Variants in PCDHA2 observed in about 807,000 individuals in gnomAD.
PCDHA2 encodes the protein protocadherin alpha-2.
Under a neutral mutation model 66.0 loss-of-function variants are expected in PCDHA2, and 58 were observed. The ratio of observed to expected loss-of-function variants is 0.88; its 90% confidence interval spans 0.71 to 1.09. The LOEUF (loss-of-function observed/expected upper bound fraction) is 1.09, where lower values mean the gene tolerates loss of function less well. Ranked by LOEUF, PCDHA2 falls within the 50% of genes least tolerant of loss-of-function variation. The pLI is 0.00. For missense variants in PCDHA2, 1,267 were observed against 1,242.3 expected, an observed-to-expected ratio of 1.02 and a Z score of -0.30; for synonymous variants, 634 against 554.0, an observed-to-expected ratio of 1.14 and a Z score of -2.03.
chr5:140,941,225 T>TTC (rs2092914120), intron 1 of PCDHA2, among the ~76,000 whole-genome samples: 17 of 138,026 alleles, frequency 1.2e-4, no homozygotes, highest in African/African-American at 4.7e-4. Context: ...CTTTCTTTCT[T>TTC]TCTTTCTTTC....
intron 1 of PCDHA2, chr5:140,806,900 G>T (rs1268254751): frequency 1.1e-5 from 5 of 453,804 alleles, no homozygotes; most frequent in South Asian, 3.3e-5. Context: ...CCTATTCTCC[G>T]AAACGACTGA....
intron 1 of PCDHA2, chr5:140,968,020 C>T: frequency 1.2e-6 from 2 of 1,614,202 alleles, no homozygotes; most frequent in Non-Finnish European, 1.7e-6. Flanking sequence ...TTGGAAACTC[C>T]TATACACTGG....
chr5:140,897,457 C>T (rs1173344812), intron 1 of PCDHA2, among the ~76,000 whole-genome samples: 11 of 151,186 alleles, frequency 7.3e-5, no homozygotes, highest in East Asian at 1.9e-4. Context: ...TTTGTCCTTG[C>T]GATAGTTTAC....
intron 1 of PCDHA2, chr5:140,884,214 T>G: frequency 6.2e-7 from 1 of 1,613,446 alleles, no homozygotes; most frequent in African/African-American, 1.3e-5. Context: ...CGCCTTCTGG[T>G]GCTGGTGAAG....
Position 141,004,377 on chromosome 5 carries a change from C to T in PCDHA2, c.2537-5250C>T, listed in dbSNP as rs567018582. Among the ~76,000 whole-genome samples the T allele has an allele frequency of 3.9e-5, 6 of 152,294 alleles. No homozygotes were observed. The South Asian group carries it at 6.2e-4, about 16-fold the overall frequency. ...AGAGACCACACCTTGTTCTGCTCTG[C>T]GGAAGCTGGACATGTGGAGGAGGCA... On this transcript the variant is annotated intron_variant, in intron 3 of 3. Coordinates refer to ENST00000526136, the MANE Select transcript of PCDHA2 (RefSeq NM_018905.3).
chr5:140,861,631 C>G (rs960525062), intron 1 of PCDHA2: 2 of 314,942 alleles, frequency 6.4e-6, no homozygotes, highest in Admixed American at 7.0e-5. Flanking sequence ...GTGTTCTCAG[C>G]AACACAAAAG....
chr5:141,012,182 A>T lies in PCDHA2; in HGVS notation c.*2245A>T, dbSNP rs1334407628. On this transcript the variant is annotated 3_prime_UTR_variant, in exon 4 of 4. Coordinates refer to ENST00000526136, the MANE Select transcript of PCDHA2 (RefSeq NM_018905.3). ...CTAATTTATTAATGATGATAATTATAATGTATCTGTACAGCACTTTTTACA... is the reference window on the plus strand; with the variant it reads ...CTAATTTATTAATGATGATAATTATTATGTATCTGTACAGCACTTTTTACA... 6.5e-6 allele frequency: 1 copy of T among 153,776 alleles called. No homozygotes were observed. The highest frequency in any genetic ancestry group is 1.5e-5 in the Non-Finnish European group (1 of 68,050). 9.5% of individuals were successfully genotyped at this position (153,776 alleles called of 1,614,324 possible).
At chr5:140,802,258 C>T (rs782045341) in intron 1 of PCDHA2, 1 of 1,614,238 alleles carries the variant, frequency 6.2e-7, no homozygotes, top group Non-Finnish European at 8.5e-7. Context: ...GTTATTCAAT[C>T]ACTATCTTTA....
chr5:140,974,396 G>C (rs1413050341), intron 1 of PCDHA2, among the ~76,000 whole-genome samples: 1 of 152,178 alleles, frequency 6.6e-6, no homozygotes, highest in Admixed American at 6.5e-5. Context: ...CATTAGGTAT[G>C]TTCTAAAGTT....
In PCDHA2 at chr5:140,876,439, A is replaced by G; in HGVS notation, c.2388+79087A>G. 4 of 1,613,988 alleles carry G rather than the reference A, an allele frequency of 2.5e-6. No individual in the cohort carries two copies. The East Asian group carries it at 8.9e-5, about 36-fold the overall frequency. ...TGCCTATGAAATTCAGGTTAACGCC[A>G]TTGATAAAGGGATTCCTTCCATGGC... is the stretch of plus-strand genomic sequence containing the variant. On this transcript the variant is annotated intron_variant, in intron 1 of 3. Transcript: ENST00000526136.
chr5:140,851,098 T>G lies in PCDHA2; in HGVS notation c.2388+53746T>G, dbSNP rs922217993. ...TAAACTGTATATTAAATAGATATTT[T>G]TTGGGTGCTGAATCAATTTTATTTA... On this transcript the variant is annotated intron_variant, in intron 1 of 3. Transcript: ENST00000526136. The G allele has an allele frequency of 1.5e-6, 2 of 1,293,414 alleles. 1 individual carries two copies. The highest frequency in any genetic ancestry group is 3.1e-5 in the African/African-American group (2 of 65,490). 80.1% of individuals were successfully genotyped at this position (1,293,414 alleles called of 1,614,324 possible).
At chr5:140,969,948 G>A (rs1206322511) in intron 1 of PCDHA2, among the ~76,000 whole-genome samples, 3 of 152,198 alleles carry the variant, frequency 2.0e-5, no homozygotes, top group African/African-American at 7.2e-5. Context: ...TGAAGCTAAA[G>A]TTTGCTTTGG....
chr5:140,842,313 C>G, intron 1 of PCDHA2: 2 of 1,607,028 alleles, frequency 1.2e-6, no homozygotes, highest in Non-Finnish European at 1.7e-6. Context: ...CCTCCCATGG[C>G]GGGTCATTGC....
intron 1 of PCDHA2, chr5:140,877,542 A>G (rs782391639): frequency 1.9e-6 from 3 of 1,613,752 alleles, no homozygotes; most frequent in Non-Finnish European, 2.5e-6. Flanking sequence ...TGGATCCCGA[A>G]GCGGCTCTGG....
chr5:140,810,523 T>G (rs782023770), intron 1 of PCDHA2: 1 of 152,260 alleles, frequency 6.6e-6, no homozygotes, highest in Non-Finnish European at 1.5e-5. Context: ...GCCATTTTAC[T>G]GGGTGACTTT....
At chr5:140,837,441 C>T (rs1199592642) in intron 1 of PCDHA2, among the ~76,000 whole-genome samples, 4 of 151,714 alleles carry the variant, frequency 2.6e-5, no homozygotes, top group Admixed American at 6.6e-5. Flanking sequence ...AAATCTAGTA[C>T]GTAGTAAAAA....
intron 1 of PCDHA2, among the ~76,000 whole-genome samples, chr5:140,799,093 T>C (rs1562171620): frequency 6.6e-6 from 1 of 152,204 alleles, no homozygotes; most frequent in Admixed American, 6.5e-5. Flanking sequence ...TGTTGCTCTA[T>C]AAGTTTTTTC....
intron 1 of PCDHA2, chr5:140,803,070 G>A: frequency 6.2e-7 from 1 of 1,613,960 alleles, no homozygotes; most frequent in Non-Finnish European, 8.5e-7. Flanking sequence ...GTTTCGCGTG[G>A]GGCTGTACAC....
At chr5:140,907,406 A>G (rs2073359357) in intron 1 of PCDHA2, among the ~76,000 whole-genome samples, 1 of 152,216 alleles carries the variant, frequency 6.6e-6, no homozygotes, top group African/African-American at 2.4e-5. Context: ...TGTGTGGAAT[A>G]CCACGATGGT....
Sources: gnomAD v4.1 joint callset for allele counts (sites outside exome capture counted in the v4.1 genomes callset) on GRCh38, gnomAD v4.1.1 for gene constraint, MANE v1.5 for transcripts, NCBI Gene and HGNC (gene_info 2026-07-23, HGNC 2026-07-21) for gene names.